PUDP: variants seen among roughly 807,000 people sequenced by gnomAD.
PUDP encodes pseudouridine-5'-phosphatase.
A neutral mutation model predicts 9.4 loss-of-function variants in PUDP; 8 were observed. The observed-to-expected ratio is 0.85, with a 90% CI of 0.50 to 1.53. The LOEUF (loss-of-function observed/expected upper bound fraction) is 1.53, where lower values mean the gene tolerates loss of function less well. Ranked by LOEUF, PUDP falls within the 40% of genes most tolerant of loss-of-function variation. The pLI is 0.00. For synonymous variants in PUDP, 99 were observed against 80.7 expected, an observed-to-expected ratio of 1.23 and a Z score of -1.22; for missense variants, 188 against 189.7, an observed-to-expected ratio of 0.99 and a Z score of 0.05.
chrX:6,791,177 G>C (rs1056303867), intron 3 of PUDP, among the ~76,000 whole-genome samples: 1 of 109,561 alleles, frequency 9.1e-6, no homozygotes, highest in Non-Finnish European at 1.9e-5. Flanking sequence ...GCAACATGGT[G>C]AGACCCTGTA....
intron 3 of PUDP, among the ~76,000 whole-genome samples, chrX:6,934,550 G>A (rs1476335718): frequency 6.4e-5 from 7 of 109,165 alleles, no homozygotes; most frequent in East Asian, 2.9e-4. Flanking sequence ...AAAGACCATC[G>A]AGACTAGGAA....
chrX:7,022,596 C>A (rs1486536732), intron 1 of PUDP, among the ~76,000 whole-genome samples: 1 of 111,516 alleles, frequency 9.0e-6, no homozygotes, highest in Non-Finnish European at 1.9e-5. Flanking sequence ...ATTCTGGCCT[C>A]CACTGCCAGA....
chrX:6,740,401 T>A (rs1924921270), intron 3 of PUDP, among the ~76,000 whole-genome samples: 1 of 111,770 alleles, frequency 8.9e-6, no homozygotes, highest in African/African-American at 3.3e-5. Flanking sequence ...CAAAAGATTA[T>A]ATTTTTAACA....
At chrX:7,041,157 G>A (rs1368090963) in intron 1 of PUDP, among the ~76,000 whole-genome samples, 1 of 111,736 alleles carries the variant, frequency 8.9e-6, no homozygotes, top group African/African-American at 3.3e-5. Flanking sequence ...TGTCACCCTG[G>A]AATCTTATGC....
rs375593462 is a variant in PUDP at position 6,818,754 on chromosome X, G to A, written c.*248-112288C>T. On this transcript the variant is annotated intron_variant and NMD_transcript_variant, in intron 3 of 3. Transcript: ENST00000655425. ...CCTTTGACTTCTATCACCTGCCACA[G>A]GTAAAATATAATATCCCTGTAGCTG... Among the ~76,000 whole-genome samples, 24 of 111,860 alleles carry A rather than the reference G, an allele frequency of 2.1e-4. No homozygotes were observed. In the East Asian group the frequency reaches 3.9e-3, roughly 18 times the overall value.
intron 1 of PUDP, among the ~76,000 whole-genome samples, chrX:7,028,661 G>A (rs752082902): frequency 2.7e-5 from 3 of 111,893 alleles, no homozygotes; most frequent in South Asian, 7.6e-4. Flanking sequence ...AAGGTACTCC[G>A]CTTGGCCAGC....
At chrX:6,858,287 G>A (rs1926938510) in intron 3 of PUDP, among the ~76,000 whole-genome samples, 1 of 108,282 alleles carries the variant, frequency 9.2e-6, no homozygotes, top group Admixed American at 9.8e-5. Flanking sequence ...TTCCCTCCCG[G>A]ATCTTGCCCT....
chrX:6,931,535 T>C (rs969332645), intron 3 of PUDP, among the ~76,000 whole-genome samples: 24 of 111,830 alleles, frequency 2.1e-4, no homozygotes, highest in African/African-American at 7.8e-4. Flanking sequence ...GTAGATTTGT[T>C]CTACTCCATA....
intron 3 of PUDP, among the ~76,000 whole-genome samples, chrX:6,904,101 G>A (rs914986840): frequency 1.5e-4 from 16 of 108,599 alleles, no homozygotes; most frequent in East Asian, 2.9e-4. Context: ...ACAGGCACCC[G>A]CCACCGTGCC....
intron 1 of PUDP, among the ~76,000 whole-genome samples, chrX:6,999,278 C>A (rs1929292127): frequency 9.0e-6 from 1 of 111,393 alleles, no homozygotes; most frequent in Admixed American, 9.6e-5. Flanking sequence ...GTCTTTAACG[C>A]CACCTATATA....
chrX:6,888,876 C>G (rs908360611), intron 3 of PUDP, among the ~76,000 whole-genome samples: 1 of 111,137 alleles, frequency 9.0e-6, no homozygotes, highest in African/African-American at 3.3e-5. Context: ...TTTAAGAATG[C>G]CCCATCATTT....
At chrX:7,098,398 G>A (rs1051039063) in intron 2 of PUDP, among the ~76,000 whole-genome samples, 1 of 111,341 alleles carries the variant, frequency 9.0e-6, no homozygotes, top group Non-Finnish European at 1.9e-5. Context: ...GGAAGAGCAG[G>A]CCTTACCCTC....
chrX:6,849,052 C>T (rs866324908), intron 3 of PUDP, among the ~76,000 whole-genome samples: 1 of 110,864 alleles, frequency 9.0e-6, no homozygotes, highest in South Asian at 3.7e-4. Context: ...AAGGCACGTT[C>T]CTTTGGGGAA....
chrX:6,892,865 G>A (rs1474405179), intron 3 of PUDP, among the ~76,000 whole-genome samples: 1 of 111,804 alleles, frequency 8.9e-6, no homozygotes, highest in Non-Finnish European at 1.9e-5. Flanking sequence ...CAGCAAGGGA[G>A]CCCTCACCAG....
chrX:6,729,840 G>A (rs1244613944), intron 3 of PUDP, among the ~76,000 whole-genome samples: 1 of 110,379 alleles, frequency 9.1e-6, no homozygotes, highest in Non-Finnish European at 1.9e-5. Context: ...TCTCTCTTAC[G>A]TGCCCACCTT....
chrX:6,753,945 C>T (rs181311246), intron 3 of PUDP, among the ~76,000 whole-genome samples: 83 of 111,716 alleles, frequency 7.4e-4, no homozygotes, highest in Middle Eastern at 9.1e-3. Flanking sequence ...ACTCTGCTGG[C>T]GGTTCTTTTT....
chrX:6,953,324 C>T (rs934429932), intron 3 of PUDP, among the ~76,000 whole-genome samples: 1 of 111,066 alleles, frequency 9.0e-6, no homozygotes, highest in Admixed American at 9.7e-5. Flanking sequence ...TCACATTTTT[C>T]ATAGAACTCT....
chrX:7,130,738 T>A (rs1171935535), intron 1 of PUDP, among the ~76,000 whole-genome samples: 1 of 110,323 alleles, frequency 9.1e-6, no homozygotes, highest in Non-Finnish European at 1.9e-5. Flanking sequence ...ATACAGCAAT[T>A]AGCCGGGTGC....
intron 3 of PUDP, among the ~76,000 whole-genome samples, chrX:6,765,922 T>C (rs1275849524): frequency 9.0e-6 from 1 of 110,732 alleles, no homozygotes; most frequent in African/African-American, 3.3e-5. Flanking sequence ...TCTCAAGAAA[T>C]CCATGCCAAG....
Sources: gnomAD v4.1 joint callset for allele counts (sites outside exome capture counted in the v4.1 genomes callset) on GRCh38, gnomAD v4.1.1 for gene constraint, MANE v1.5 for transcripts, NCBI Gene and HGNC (gene_info 2026-07-23, HGNC 2026-07-21) for gene names.